Variants in ADGRD2 observed in about 807,000 individuals in gnomAD.
The protein encoded by ADGRD2 is G protein-coupled receptor PGR24.
A neutral mutation model predicts 44.4 loss-of-function variants in ADGRD2; 71 were observed. That is an observed-to-expected ratio of 1.60 (90% confidence interval 1.32 to 1.95). ADGRD2 has a LOEUF of 1.95. Among genes scored for constraint, ADGRD2 ranks in the 30% most tolerant of loss-of-function variants. The pLI, the probability that ADGRD2 is intolerant of heterozygous loss-of-function variation, is 0.00. For missense variants in ADGRD2, 1,039 were observed against 512.4 expected, an observed-to-expected ratio of 2.03 and a Z score of -9.92; for synonymous variants, 481 against 224.8, an observed-to-expected ratio of 2.14 and a Z score of -10.19.
Position 124,469,358 on chromosome 9 carries a change from G to C in ADGRD2, c.2521+3G>C, listed in dbSNP as rs1231519896. 1 of 718,356 alleles carries C rather than the reference G, an allele frequency of 1.4e-6. No homozygotes were observed. Among genetic ancestry groups the C allele is most frequent in the South Asian group, 1.5e-5 (1 of 67,596 alleles). 44.5% of individuals were successfully genotyped at this position (718,356 alleles called of 1,614,324 possible). A position where few individuals can be genotyped will look rare whatever the true frequency, so the allele number is the denominator to read the frequency against. On this transcript the variant is annotated splice_donor_region_variant and intron_variant, in intron 15 of 21. Transcript: ENST00000334810. ...GGCCTGTGCTCTTCGTGCTGACTGT[G>C]AGCTGGGGACCTGCAGGGGAGGGGC...
At position 124,469,275 on chromosome 9, in the gene ADGRD2, G is replaced by A. The variant is rs28479896; in HGVS notation, c.2443G>A (p.Val815Met). ...CCTGGCCATGCTCCCCCATGACTACGTGGCCCCCGGACATTGCTGGCTCAA... is the reference window on the plus strand; with the variant it reads ...CCTGGCCATGCTCCCCCATGACTACATGGCCCCCGGACATTGCTGGCTCAA... Residue 815 changes from valine to methionine, a missense_variant, in exon 15 of 22, where the codon GTG becomes ATG. By Grantham distance (21) the Val-to-Met change is conservative. Coordinates refer to ENST00000334810, the Ensembl canonical transcript of ADGRD2. The A allele has an allele frequency of 9.8e-3, 7,006 of 717,692 alleles. 335 individuals are homozygous for A. In the African/African-American group the frequency reaches 0.11, roughly 11 times the overall value. 44.5% of individuals were successfully genotyped at this position (717,692 alleles called of 1,614,324 possible). A position where few individuals can be genotyped will look rare whatever the true frequency, so the allele number is the denominator to read the frequency against.
intron 10 of ADGRD2, among the ~76,000 whole-genome samples, chr9:124,459,484 ACT>A (rs1482564399): frequency 1.3e-5 from 2 of 148,922 alleles, no homozygotes; most frequent in Admixed American, 6.7e-5. Flanking sequence ...ACAGAACAAG[ACT>A]CTGTCTCAAA....
At chr9:124,460,200 ATTT>A (rs749872013) in intron 10 of ADGRD2, among the ~76,000 whole-genome samples, 12 of 128,444 alleles carry the variant, frequency 9.3e-5, no homozygotes, top group Admixed American at 2.4e-4. Flanking sequence ...CCACGCTCTG[ATTT>A]TTTTTTTTTT....
rs560926240 is a variant in ADGRD2 at position 124,463,677 on chromosome 9, C to T, written c.1871-2581C>T. 1.3e-5 allele frequency among the ~76,000 whole-genome samples: 2 copies of T among 152,246 alleles called. 1 individual carries two copies. The highest frequency in any genetic ancestry group is 1.3e-4 in the Admixed American group (2 of 15,292). On this transcript the variant is annotated intron_variant, in intron 10 of 21. Transcript: ENST00000334810. The stretch of plus-strand genomic sequence containing the variant: ...CTTGAGATGGTTTGGTAATTTGCGC[C>T]TTTCAAAGAATGTGTCCATTTCATC...
chr9:124,451,082 T>G (rs1831456798), upstream of ADGRD2: 1 of 472,024 alleles, frequency 2.1e-6, no homozygotes, highest in Non-Finnish European at 4.4e-6. Flanking sequence ...ACTGAGAGAC[T>G]GGGAGGCAGT....
intron 21 of ADGRD2, among the ~76,000 whole-genome samples, 176 bp from the exon 25 acceptor site, chr9:124,478,105 C>G (rs1488769422): frequency 6.6e-6 from 1 of 152,202 alleles, no homozygotes; most frequent in Non-Finnish European, 1.5e-5. Flanking sequence ...ACCGCCCCTC[C>G]TGAAAGGCCG....
At chr9:124,477,195 C>T (rs1216544361) in intron 21 of ADGRD2, 5 of 396,944 alleles carry the variant, frequency 1.3e-5, no homozygotes, top group East Asian at 7.1e-5. Context: ...GGGGGCATGA[C>T]GGGGGCTGAG....
chr9:124,458,481 C>G (rs1248412125), intron 9 of ADGRD2, 135 bp from the exon 13 acceptor site: 2 of 629,654 alleles, frequency 3.2e-6, no homozygotes, highest in East Asian at 5.5e-5. Flanking sequence ...CAAGACTGAA[C>G]CAGGTGCCAC....
chr9:124,456,062 G>T lies in ADGRD2; in HGVS notation c.1394-560G>T, dbSNP rs541459383. Among the ~76,000 whole-genome samples the T allele has an allele frequency of 6.4e-4, 98 of 152,352 alleles. 1 individual carries two copies. The South Asian group carries it at 0.019, about 30-fold the overall frequency. ...GTCCTGGGAAGTGTGCAAGCCCATA[G>T]TTGATTAGGGATCCGAGGCACTGCA... On this transcript the variant is annotated intron_variant, in intron 6 of 21. Coordinates refer to ENST00000334810, the Ensembl canonical transcript of ADGRD2.
intron 17 of ADGRD2, among the ~76,000 whole-genome samples, chr9:124,474,298 A>AAG (rs1554719816): frequency 6.8e-4 from 101 of 149,480 alleles, no homozygotes; most frequent in Middle Eastern, 3.5e-3. Flanking sequence ...AAAAAAAAAA[A>AAG]GAGCTCAGAT....
upstream of ADGRD2, chr9:124,452,011 C>T: frequency 2.3e-6 from 1 of 436,134 alleles, no homozygotes; most frequent in South Asian, 2.1e-5. Context: ...CCCTCCCACC[C>T]ACCCCCAGAG....
chr9:124,454,120 G>C lies in ADGRD2; in HGVS notation c.1022+23G>C. 1.5e-6 allele frequency: 1 copy of C among 665,364 alleles called. No individual in the cohort carries two copies. The highest frequency in any genetic ancestry group is 2.7e-5 in the East Asian group (1 of 36,920). The allele number at this position is 665,364 out of a possible 1,614,324, so 41.2% of individuals were successfully genotyped here. ...CAGGTGCGCCCTGGCTGTACCCCTG[G>C]GCTCTGCTGAAGGGAAAGCCGGTGT... On this transcript the variant is annotated intron_variant, in intron 4 of 21. Coordinates refer to ENST00000334810, the Ensembl canonical transcript of ADGRD2. This position sits in a 1 kb window ranked among gnomAD's most constrained non-coding sequence, Gnocchi z 4.5.
chr9:124,456,312 C>T (rs998682912), intron 6 of ADGRD2, among the ~76,000 whole-genome samples: 12 of 152,214 alleles, frequency 7.9e-5, no homozygotes, highest in Non-Finnish European at 1.6e-4. Context: ...GCACCCATTA[C>T]AGGTCTAGCA....
chr9:124,452,506 T>C lies in ADGRD2; in HGVS notation c.69-4T>C. Reference sequence around the variant, plus strand: ...CCCCCCACCGTCTCTCTTATCGTTTTTAGCCCCCGTGGCCGCCGGCGAGGT... The same window carrying C: ...CCCCCCACCGTCTCTCTTATCGTTTCTAGCCCCCGTGGCCGCCGGCGAGGT... On this transcript the variant is annotated splice_region_variant and splice_polypyrimidine_tract_variant and intron_variant, in intron 1 of 21. Transcript: ENST00000334810. The C allele has an allele frequency of 2.8e-6, 2 of 718,524 alleles. No homozygotes were observed. Among genetic ancestry groups the C allele is most frequent in the South Asian group, 3.0e-5 (2 of 67,602 alleles). The allele number at this position is 718,524 out of a possible 1,614,324, so 44.5% of individuals were successfully genotyped here. A position where few individuals can be genotyped will look rare whatever the true frequency, so the allele number is the denominator to read the frequency against.
At chr9:124,474,919 G>A (rs1212985498) in intron 17 of ADGRD2, among the ~76,000 whole-genome samples, 1 of 152,208 alleles carries the variant, frequency 6.6e-6, no homozygotes, top group Non-Finnish European at 1.5e-5. Context: ...GCCACGGTGT[G>A]AGTCCCTCAC....
chr9:124,467,632 G>C lies in ADGRD2; in HGVS notation c.2027-89G>C. ...TGCACTGTGGAGGCGAATGCGGCGT[G>C]GGGGGCCTTAGAGTCACCAGGTGGG... On this transcript the variant is annotated intron_variant, in intron 11 of 21. Transcript: ENST00000334810. 1.3e-5 allele frequency: 9 copies of C among 687,848 alleles called. No homozygotes were observed. The South Asian group carries it at 1.4e-4, about 11-fold the overall frequency. The allele number at this position is 687,848 out of a possible 1,614,324, so 42.6% of individuals were successfully genotyped here.
In ADGRD2 at chr9:124,452,509, G is replaced by A. The variant is rs1281578976; in HGVS notation, c.69-1G>A. 2 of 718,406 alleles carry A rather than the reference G, an allele frequency of 2.8e-6. No individual in the cohort carries two copies. The highest frequency in any genetic ancestry group is 3.5e-5 in the African/African-American group (2 of 57,274). 44.5% of individuals were successfully genotyped at this position (718,406 alleles called of 1,614,324 possible). On this transcript the variant is annotated splice_acceptor_variant, in intron 1 of 21. Coordinates refer to ENST00000334810, the Ensembl canonical transcript of ADGRD2. LOFTEE classifies it high-confidence loss of function. ...CCCACCGTCTCTCTTATCGTTTTTA[G>A]CCCCCGTGGCCGCCGGCGAGGTGGT...
In ADGRD2 at chr9:124,466,375, A is replaced by G. The variant is rs866484251; in HGVS notation, c.1990A>G (p.Thr664Ala). 4.9e-5 allele frequency: 35 copies of G among 716,656 alleles called. No homozygotes were observed. In the African/African-American group the frequency reaches 5.3e-4, roughly 11 times the overall value. 44.4% of individuals were successfully genotyped at this position (716,656 alleles called of 1,614,324 possible). Reference sequence around the variant, plus strand: ...CACCGCCTGCTTCTGCAACCACAGCACCAGCTTTGCCATCCTGCTGCAAAT... The same window carrying G: ...CACCGCCTGCTTCTGCAACCACAGCGCCAGCTTTGCCATCCTGCTGCAAAT... Residue 664 changes from threonine to alanine, a missense_variant, in exon 11 of 22, where the codon ACC (threonine) becomes GCC (alanine). By Grantham distance (58) the Thr-to-Ala change is moderately conservative. Transcript: ENST00000334810.
chr9:124,456,729 T>G, exon 7 of ADGRD2: 2 of 707,702 alleles, frequency 2.8e-6, no homozygotes, highest in Non-Finnish European at 5.2e-6. Flanking sequence ...AGCACCGCCA[T>G]GCTGGTGAGC....
Sources: allele counts gnomAD v4.1 joint callset (sites outside exome capture counted in the v4.1 genomes callset), GRCh38; gene constraint gnomAD v4.1.1; non-coding constraint Gnocchi (gnomAD v3.1); transcripts MANE v1.5; gene names NCBI Gene and HGNC (gene_info 2026-07-23, HGNC 2026-07-21).